ASH1L: variants seen among roughly 807,000 people sequenced by gnomAD.
ASH1L encodes ASH1 like histone lysine methyltransferase.
Under a neutral mutation model 269.0 loss-of-function variants are expected in ASH1L, and 23 were observed. That is an observed-to-expected ratio of 0.09 (90% CI 0.06 to 0.12). The LOEUF is 0.12. Among genes scored for constraint, ASH1L ranks in the 10% least tolerant of loss-of-function variants. ASH1L has a pLI of 1.00. For synonymous variants in ASH1L, 1,187 were observed against 1,253.5 expected (o/e 0.95, Z 1.12); for missense variants, 2,912 against 3,567.8 (o/e 0.82, Z 4.68).
At chr1:155,386,402 T>C (rs1396584022) in intron 7 of ASH1L, among the ~76,000 whole-genome samples, 2 of 151,876 alleles carry the variant, frequency 1.3e-5, no homozygotes, top group Middle Eastern at 3.2e-3. Flanking sequence ...ATTATTGTTG[T>C]TTTGAGACGG....
chr1:155,556,805 T>C (rs1671626645), intron 1 of ASH1L, among the ~76,000 whole-genome samples: 1 of 151,876 alleles, frequency 6.6e-6, no homozygotes, highest in South Asian at 2.1e-4. Flanking sequence ...TTCCAGCAAT[T>C]TGGGAGTCTG....
At chr1:155,363,539 T>C (rs1349953281) in intron 12 of ASH1L, among the ~76,000 whole-genome samples, 4 of 151,990 alleles carry the variant, frequency 2.6e-5, no homozygotes, top group African/African-American at 7.2e-5. Flanking sequence ...CCACGGAGCC[T>C]GGCTGCAGAA....
At chr1:155,374,811 A>G (rs1314626222) in intron 10 of ASH1L, among the ~76,000 whole-genome samples, 4 of 151,804 alleles carry the variant, frequency 2.6e-5, no homozygotes, top group Non-Finnish European at 4.4e-5. Context: ...TTCCACACCT[A>G]TATTTTCTTC....
chr1:155,556,240 GATGTGGTGGCACATAC>G (rs1019461754), intron 1 of ASH1L, among the ~76,000 whole-genome samples: 2 of 152,028 alleles, frequency 1.3e-5, no homozygotes, highest in Non-Finnish European at 2.9e-5. Flanking sequence ...AAATTAACCA[GATGTGGTGGCACATAC>G]ATGTGGTGGC....
intron 7 of ASH1L, among the ~76,000 whole-genome samples, chr1:155,395,151 A>T (rs1294687220): frequency 6.6e-6 from 1 of 152,048 alleles, no homozygotes; most frequent in Non-Finnish European, 1.5e-5. Context: ...TGCCCAGGCC[A>T]TCAACTCCTG....
rs1309999123 is a variant in ASH1L at position 155,438,419 on chromosome 1, C to T, written c.5736G>A (p.Lys1912=). 2.5e-6 allele frequency: 4 copies of T among 1,613,112 alleles called. No homozygotes were observed. In the African/African-American group the frequency reaches 4.0e-5, roughly 16 times the overall value. Residue 1912 remains lysine, a synonymous_variant, in exon 5 of 28, where the codon AAG becomes AAA. Coordinates refer to ENST00000392403, the MANE Select transcript of ASH1L (RefSeq NM_018489.3). ...QSVNLNPEHK[K]GLKRKGWLLE... is the part of the protein sequence containing the mutation. ...ATAGCCAACCTTTTCTCTTCAACCCCTTTTTATGTTCTGGGTTCAGATTTA... is the reference window on the plus strand; with the variant it reads ...ATAGCCAACCTTTTCTCTTCAACCCTTTTTTATGTTCTGGGTTCAGATTTA...
At chr1:155,401,477 C>CAAA (rs545010671) in intron 6 of ASH1L, among the ~76,000 whole-genome samples, 2 of 65,880 alleles carry the variant, frequency 3.0e-5, no homozygotes, top group African/African-American at 1.2e-4. Flanking sequence ...GACTCCATCT[C>CAAA]AAAAAAAAAA....
chr1:155,335,670 C>A lies in ASH1L; in HGVS notation c.*1990G>T, dbSNP rs879505011. 2 of 152,590 alleles carry A rather than the reference C, an allele frequency of 1.3e-5. No individual in the cohort carries two copies. The highest frequency in any genetic ancestry group is 2.9e-5 in the Non-Finnish European group (2 of 67,986). 9.5% of individuals were successfully genotyped at this position (152,590 alleles called of 1,614,324 possible). A position where few individuals can be genotyped will look rare whatever the true frequency, so the allele number is the denominator to read the frequency against. On this transcript the variant is annotated 3_prime_UTR_variant, in exon 28 of 28. Coordinates refer to ENST00000392403, the MANE Select transcript of ASH1L (RefSeq NM_018489.3). ...ACCTAACATTTGATTGTCTAAAAAA[C>A]ATTTCAGTTTTTTTTTAGTCTTTCA...
intron 12 of ASH1L, among the ~76,000 whole-genome samples, chr1:155,362,114 C>T (rs1199030788): frequency 1.3e-5 from 2 of 152,072 alleles, no homozygotes; most frequent in East Asian, 3.9e-4. Flanking sequence ...CGGCTCACTG[C>T]AACCTCCAAC....
chr1:155,354,126 A>G (rs541765590), intron 16 of ASH1L, among the ~76,000 whole-genome samples: 1 of 152,340 alleles, frequency 6.6e-6, no homozygotes, highest in South Asian at 2.1e-4. Flanking sequence ...GAAAGCAACT[A>G]AAATAAATTA....
chr1:155,481,627 C>A lies in ASH1L; in HGVS notation c.1243G>T (p.Gly415Cys). 2 of 1,614,144 alleles carry A rather than the reference C, an allele frequency of 1.2e-6. No homozygotes were observed. The highest frequency in any genetic ancestry group is 1.7e-6 in the Non-Finnish European group (2 of 1,180,012). ...TTTATGGCATCTTTACTGATCAGAC[C>A]TGCCAAAGGACAACTCATTAGTTTC... Reference protein sequence around the residue: ...GKKLMSCPLAGLISKDAINLK... With the variant: ...GKKLMSCPLACLISKDAINLK... Residue 415 changes from glycine to cysteine, a missense_variant, in exon 3 of 28, where the codon GGT becomes TGT. Coordinates refer to ENST00000392403, the MANE Select transcript of ASH1L (RefSeq NM_018489.3).
At chr1:155,505,322 T>A (rs1489000078) in intron 2 of ASH1L, among the ~76,000 whole-genome samples, 2 of 152,220 alleles carry the variant, frequency 1.3e-5, no homozygotes, top group Admixed American at 1.3e-4. Flanking sequence ...CTTTGCATAT[T>A]CTCTTGCTCA....
chr1:155,523,530 T>A (rs1256320884), intron 1 of ASH1L, among the ~76,000 whole-genome samples: 1 of 152,114 alleles, frequency 6.6e-6, no homozygotes, highest in East Asian at 1.9e-4. Context: ...CTACAAGGAA[T>A]GTAAGTAAAA....
chr1:155,368,379 T>C, intron 12 of ASH1L, among the ~76,000 whole-genome samples: 1 of 152,168 alleles, frequency 6.6e-6, no homozygotes, highest in South Asian at 2.1e-4. Context: ...TTTAGTTACA[T>C]TTTCAATTTT....
intron 3 of ASH1L, among the ~76,000 whole-genome samples, chr1:155,468,792 GAGA>G (rs750106481): frequency 6.6e-5 from 10 of 151,960 alleles, no homozygotes; most frequent in Non-Finnish European, 1.2e-4. Flanking sequence ...ACTGAAGACC[GAGA>G]AGATCACTTA....
Position 155,344,277 on chromosome 1 carries a change from A to G in ASH1L, c.7891-4T>C. On this transcript the variant is annotated splice_polypyrimidine_tract_variant and splice_region_variant and intron_variant, in intron 21 of 27. Coordinates refer to ENST00000392403, the MANE Select transcript of ASH1L (RefSeq NM_018489.3). ...GCCGAGGGATCATGGGAACCTCCTG[A>G]TAGGAGCAGAAAGCCAATGTATAAG... 6.2e-7 allele frequency: 1 copy of G among 1,612,514 alleles called. No homozygotes were observed. Among genetic ancestry groups the G allele is most frequent in the Non-Finnish European group, 8.5e-7 (1 of 1,178,562 alleles).
intron 2 of ASH1L, among the ~76,000 whole-genome samples, chr1:155,485,186 G>T (rs1332588074): frequency 6.6e-6 from 1 of 151,230 alleles, no homozygotes; most frequent in Non-Finnish European, 1.5e-5. Context: ...AACCTGGGAC[G>T]GGGAGGTTGC....
chr1:155,401,033 C>T (rs1201365741), intron 6 of ASH1L, among the ~76,000 whole-genome samples: 3 of 151,982 alleles, frequency 2.0e-5, no homozygotes, highest in Admixed American at 1.3e-4. Flanking sequence ...TAGTGGTGTA[C>T]GCCTCTAATC....
chr1:155,398,341 T>C (rs1376989334), intron 6 of ASH1L, among the ~76,000 whole-genome samples: 2 of 152,226 alleles, frequency 1.3e-5, no homozygotes, highest in Admixed American at 1.3e-4. Context: ...CATCATAGAA[T>C]ATACTTACAC....
Sources: gnomAD v4.1 joint callset for allele counts (sites outside exome capture counted in the v4.1 genomes callset) on GRCh38, gnomAD v4.1.1 for gene constraint, MANE v1.5 for transcripts, NCBI Gene and HGNC (gene_info 2026-07-23, HGNC 2026-07-21) for gene names.